The following TMEM163 variants were observed in gnomAD, a reference collection of about 807,000 sequenced individuals.
The protein encoded by TMEM163 is transmembrane protein 163.
Under a neutral mutation model 29.3 loss-of-function variants are expected in TMEM163, and 17 were observed. The ratio of observed to expected loss-of-function variants is 0.58; its 90% CI spans 0.40 to 0.87. The LOEUF is 0.87. TMEM163 is among the 40% of genes least tolerant of loss of function. TMEM163 has a pLI of 0.00. For missense variants in TMEM163, 303 were observed against 381.5 expected, an observed-to-expected ratio of 0.79 and a Z score of 1.71; for synonymous variants, 157 against 160.6, an observed-to-expected ratio of 0.98 and a Z score of 0.17.
At chr2:134,576,548 C>T (rs189149072) in intron 2 of TMEM163, among the ~76,000 whole-genome samples, 2 of 152,296 alleles carry the variant, frequency 1.3e-5, no homozygotes, top group East Asian at 3.9e-4. Context: ...ACACAGAATG[C>T]CTCTCAGAGG....
intron 2 of TMEM163, among the ~76,000 whole-genome samples, chr2:134,705,102 C>T (rs561094321): frequency 4.0e-5 from 6 of 151,626 alleles, no homozygotes; most frequent in South Asian, 4.2e-4. Context: ...CCCAGCTACT[C>T]GGGAGGCTGA....
chr2:134,606,787 G>C (rs1682378525), intron 2 of TMEM163, among the ~76,000 whole-genome samples: 1 of 152,226 alleles, frequency 6.6e-6, no homozygotes, highest in Admixed American at 6.5e-5. Flanking sequence ...AAAGAATTCA[G>C]GGAAGATGAG....
intron 2 of TMEM163, among the ~76,000 whole-genome samples, chr2:134,625,834 G>A (rs1682836597): frequency 6.6e-6 from 1 of 152,150 alleles, no homozygotes; most frequent in African/African-American, 2.4e-5. Flanking sequence ...TCAGCTGTAG[G>A]GGCAGCTCCT....
intron 5 of TMEM163, among the ~76,000 whole-genome samples, chr2:134,481,377 T>TGG (rs61620015): frequency 1.2e-4 from 16 of 136,444 alleles, no homozygotes; most frequent in African/African-American, 4.1e-4. Context: ...AATTGAATCA[T>TGG]GGGGGGGGGG....
intron 5 of TMEM163, among the ~76,000 whole-genome samples, chr2:134,494,815 C>G (rs868069418): frequency 5.3e-5 from 8 of 152,214 alleles, no homozygotes; most frequent in African/African-American, 1.7e-4. Flanking sequence ...CCTGGGCATC[C>G]TTAACCCCTA....
At chr2:134,603,856 G>A (rs1682291359) in intron 2 of TMEM163, among the ~76,000 whole-genome samples, 1 of 146,750 alleles carries the variant, frequency 6.8e-6, no homozygotes, top group Non-Finnish European at 1.5e-5. Context: ...GGAGGGGAGG[G>A]GAGGGAACAG....
rs72851097 is a variant in TMEM163, at chr2:134,463,045, G to C, written c.667+3069C>G. Among the ~76,000 whole-genome samples the C allele has an allele frequency of 8.3e-3, 1,268 of 152,330 alleles. 9 individuals carry two copies. Among genetic ancestry groups the C allele is most frequent in the Non-Finnish European group, 0.015 (1,033 of 68,034 alleles). The stretch of plus-strand genomic sequence containing the variant: ...CTGCCTGCTATGGACTCACCACTGG[G>C]AGCCCACAAAGCTGTTCAGACCCAC... On this transcript the variant is annotated intron_variant, in intron 6 of 7. Transcript: ENST00000281924.
intron 5 of TMEM163, among the ~76,000 whole-genome samples, chr2:134,492,588 A>C (rs952344839): frequency 5.3e-5 from 8 of 152,180 alleles, no homozygotes; most frequent in African/African-American, 1.7e-4. Flanking sequence ...TTAAGTAAAC[A>C]GAGTCATATA....
chr2:134,714,383 A>T (rs1684994606), intron 1 of TMEM163, among the ~76,000 whole-genome samples: 1 of 152,238 alleles, frequency 6.6e-6, no homozygotes, highest in Non-Finnish European at 1.5e-5. Context: ...AAGCTCAGGT[A>T]CCAATTTGTA....
At chr2:134,473,678 T>G (rs1686856045) in intron 5 of TMEM163, among the ~76,000 whole-genome samples, 1 of 152,278 alleles carries the variant, frequency 6.6e-6, no homozygotes, top group Middle Eastern at 3.4e-3. Context: ...AGGACACATG[T>G]TACCAATATC....
chr2:134,618,064 T>G (rs763957608), intron 2 of TMEM163, among the ~76,000 whole-genome samples: 2 of 151,958 alleles, frequency 1.3e-5, no homozygotes, highest in Non-Finnish European at 2.9e-5. Flanking sequence ...CAGTGAGCCA[T>G]GATCACATCA....
chr2:134,716,631 TTCC>T (rs919938579), intron 1 of TMEM163, among the ~76,000 whole-genome samples: 2 of 152,120 alleles, frequency 1.3e-5, no homozygotes, highest in African/African-American at 4.8e-5. Context: ...GTGCTGGGGC[TTCC>T]TCCTCCCCAA....
chr2:134,552,110 T>A lies in TMEM163; in HGVS notation c.323-19A>T, dbSNP rs772632308. 1.7e-5 allele frequency: 27 copies of A among 1,603,432 alleles called. No individual in the cohort carries two copies. Among genetic ancestry groups the A allele is most frequent in the Non-Finnish European group, 2.3e-5 (27 of 1,172,264 alleles). ...GAGACAGCTAAAAAGAAAGAAAATA[T>A]TATTCAGAATATTTTAAAACCTCTC... On this transcript the variant is annotated intron_variant, in intron 2 of 7. Coordinates refer to ENST00000281924, the MANE Select transcript of TMEM163 (RefSeq NM_030923.5).
At chr2:134,484,697 T>C (rs1679273023) in intron 5 of TMEM163, among the ~76,000 whole-genome samples, 1 of 152,088 alleles carries the variant, frequency 6.6e-6, no homozygotes, top group African/African-American at 2.4e-5. Context: ...TGAATAACAA[T>C]GACAACAATA....
chr2:134,700,090 T>A (rs1451218325), intron 2 of TMEM163, among the ~76,000 whole-genome samples: 1 of 152,228 alleles, frequency 6.6e-6, no homozygotes, highest in Admixed American at 6.5e-5. Context: ...TTAATTCATT[T>A]ACACTTTTGA....
chr2:134,456,862 A>G, intron 7 of TMEM163, 86 bp from the exon 8 acceptor site: 2 of 1,379,920 alleles, frequency 1.4e-6, no homozygotes. Flanking sequence ...TTTTTTCCTG[A>G]GATAATTCAC....
chr2:134,645,563 A>G (rs1422200612), intron 2 of TMEM163, among the ~76,000 whole-genome samples: 1 of 152,258 alleles, frequency 6.6e-6, no homozygotes, highest in Non-Finnish European at 1.5e-5. Context: ...AACTGGAACC[A>G]ACTGAAACGT....
chr2:134,626,044 A>G lies in TMEM163; in HGVS notation c.323-73953T>C, dbSNP rs185169843. 3.8e-3 allele frequency among the ~76,000 whole-genome samples: 570 copies of G among 150,524 alleles called. 5 individuals are homozygous for G. The highest frequency in any genetic ancestry group is 0.013 in the African/African-American group (537 of 40,946). Reference sequence around the variant, plus strand: ...TGGAAATCAAGACATTGGCAAGGCTACATGTCACCTGGAGGCTCTGGGGAG... The same window carrying G: ...TGGAAATCAAGACATTGGCAAGGCTGCATGTCACCTGGAGGCTCTGGGGAG... On this transcript the variant is annotated intron_variant, in intron 2 of 7. Coordinates refer to ENST00000281924, the MANE Select transcript of TMEM163 (RefSeq NM_030923.5).
chr2:134,467,382 A>C (rs1686694467), intron 5 of TMEM163: 1 of 152,250 alleles, frequency 6.6e-6, no homozygotes, highest in African/African-American at 2.4e-5. Context: ...AACCAAGCAG[A>C]CACCACCTTA....
Sources: gnomAD v4.1 joint callset for allele counts (sites outside exome capture counted in the v4.1 genomes callset) on GRCh38, gnomAD v4.1.1 for gene constraint, MANE v1.5 for transcripts, NCBI Gene and HGNC (gene_info 2026-07-23, HGNC 2026-07-21) for gene names.